Variants in CBR4 observed in about 807,000 individuals in gnomAD.
CBR4 encodes the protein carbonyl reductase 4.
In CBR4, 22 loss-of-function variants were observed where a neutral mutation model predicts 21.0. The observed-to-expected ratio is 1.05, with a 90% CI of 0.75 to 1.50. The LOEUF (loss-of-function observed/expected upper bound fraction) is 1.50, where lower values mean the gene tolerates loss of function less well. CBR4 is among the 40% of genes most tolerant of loss of function. CBR4 has a pLI of 0.00. For missense variants in CBR4, 302 were observed against 286.3 expected, an observed-to-expected ratio of 1.05 and a Z score of -0.40; for synonymous variants, 100 against 104.4, an observed-to-expected ratio of 0.96 and a Z score of 0.26.
chr4:168,978,525 C>A lies in CBR4; in HGVS notation n.169+23546G>T, dbSNP rs757589016. Among the ~76,000 whole-genome samples, 12 of 152,308 alleles carry A rather than the reference C, an allele frequency of 7.9e-5. No homozygotes were observed. In the South Asian group the frequency reaches 1.7e-3, roughly 21 times the overall value. ...TTGGCACAGTGCCAAGTGAGGCTCC[C>A]CCCTGCAGGAAAATGGTGAATAAGA... On this transcript the variant is annotated intron_variant and non_coding_transcript_variant, in intron 2 of 3. Coordinates refer to the CBR4 transcript ENST00000509108.
chr4:168,924,552 C>CAA, intron 2 of CBR4: 1 of 957,100 alleles, frequency 1.0e-6, no homozygotes, highest in Non-Finnish European at 1.7e-6. Context: ...TGAAATCAAT[C>CAA]AAAGACAAAA....
At chr4:168,958,226 T>G (rs895774292) in intron 2 of CBR4, among the ~76,000 whole-genome samples, 1 of 151,420 alleles carries the variant, frequency 6.6e-6, no homozygotes. Flanking sequence ...ATCACACCAC[T>G]GTACTCCAGC....
At chr4:168,924,521 CAT>C in intron 2 of CBR4, 2 of 1,153,822 alleles carry the variant, frequency 1.7e-6, no homozygotes, top group Non-Finnish European at 2.6e-6. Flanking sequence ...GTAAAAGCCA[CAT>C]AGATGTTTTG....
At chr4:168,947,449 T>C (rs78914616) in intron 2 of CBR4, among the ~76,000 whole-genome samples, 16,104 of 152,098 alleles carry the variant, frequency 0.11, 986 homozygotes, top group South Asian at 0.15. Flanking sequence ...GAGTAAGTTC[T>C]TTAGTGGTGA....
intron 2 of CBR4, among the ~76,000 whole-genome samples, chr4:168,935,400 C>T (rs1560952161): frequency 1.3e-5 from 2 of 152,148 alleles, no homozygotes; most frequent in East Asian, 3.9e-4. Flanking sequence ...TCCTGGAACA[C>T]CAGCGAGACA....
At chr4:168,956,069 TATGTTCAGCA>T (rs1371653673) in intron 2 of CBR4, among the ~76,000 whole-genome samples, 2 of 152,332 alleles carry the variant, frequency 1.3e-5, no homozygotes, top group South Asian at 2.1e-4. Flanking sequence ...CTCTCTGAGA[TATGTTCAGCA>T]ATATAGATCA....
chr4:168,941,841 T>A (rs1763272365), intron 2 of CBR4, among the ~76,000 whole-genome samples: 1 of 152,320 alleles, frequency 6.6e-6, no homozygotes, highest in South Asian at 2.1e-4. Flanking sequence ...TTTATATAGT[T>A]AGTTGGCCAC....
chr4:168,982,332 T>C (rs1764569317), intron 2 of CBR4, among the ~76,000 whole-genome samples: 1 of 152,170 alleles, frequency 6.6e-6, no homozygotes, highest in African/African-American at 2.4e-5. Context: ...GGGCATCACA[T>C]AATGATAAAA....
intron 2 of CBR4, among the ~76,000 whole-genome samples, chr4:168,910,775 A>ACGT (rs1758776456): frequency 6.6e-6 from 1 of 152,196 alleles, no homozygotes; most frequent in Non-Finnish European, 1.5e-5. Flanking sequence ...ACAAACTTAG[A>ACGT]CTGATTCCAG....
intron 2 of CBR4, among the ~76,000 whole-genome samples, chr4:168,960,301 C>T (rs1763808892): frequency 6.6e-6 from 1 of 152,172 alleles, no homozygotes; most frequent in Non-Finnish European, 1.5e-5. Context: ...AACATTTCTC[C>T]AGTGTCTACT....
In CBR4 at chr4:168,992,565, G is replaced by A. The variant is rs112639851; in HGVS notation, c.536-2237C>T. On this transcript the variant is annotated intron_variant, in intron 4 of 4. Coordinates refer to ENST00000306193, the MANE Select transcript of CBR4 (RefSeq NM_032783.5). ...ATGCTATAGAAGGATACTTAAATCT[G>A]AAAGTAACATTTGTGTATAAAATGT... Among the ~76,000 whole-genome samples the A allele has an allele frequency of 9.6e-4, 146 of 152,146 alleles. 1 individual carries two copies. Among genetic ancestry groups the A allele is most frequent in the African/African-American group, 3.4e-3 (141 of 41,516 alleles).
chr4:168,951,309 G>A (rs761011146), intron 2 of CBR4, among the ~76,000 whole-genome samples: 11 of 152,058 alleles, frequency 7.2e-5, no homozygotes, highest in African/African-American at 1.7e-4. Context: ...CACCCGCCTC[G>A]GCCTCCCAAA....
chr4:169,009,037 G>A (rs1395445972), intron 1 of CBR4: 5 of 443,750 alleles, frequency 1.1e-5, no homozygotes, highest in Non-Finnish European at 2.2e-5. Flanking sequence ...TCCAGCACGG[G>A]CAACATAATG....
chr4:168,921,792 A>T, intron 2 of CBR4: 5 of 1,318,408 alleles, frequency 3.8e-6, no homozygotes, highest in Non-Finnish European at 4.4e-6. Context: ...CATCAGACTT[A>T]CAAATGTAAA....
At chr4:169,007,214 CA>C (rs1730980009) in intron 2 of CBR4, among the ~76,000 whole-genome samples, 1 of 152,106 alleles carries the variant, frequency 6.6e-6, no homozygotes, top group African/African-American at 2.4e-5. Context: ...CCTTGTTTAG[CA>C]AGAAAATTAA....
intron 2 of CBR4, among the ~76,000 whole-genome samples, chr4:168,932,121 TAA>T (rs755510816): frequency 1.3e-4 from 19 of 151,730 alleles, no homozygotes; most frequent in Non-Finnish European, 2.4e-4. Context: ...TGAAATGCCA[TAA>T]AAAGAATTGA....
Position 169,002,216 on chromosome 4 carries a change from A to C in CBR4, c.401-11T>G, listed in dbSNP as rs1197927831. 9.1e-5 allele frequency: 11 copies of C among 120,516 alleles called. No homozygotes were observed. Among genetic ancestry groups the C allele is most frequent in the South Asian group, 1.9e-4 (1 of 5,186 alleles). The allele number at this position is 120,516 out of a possible 1,614,324, so 7.5% of individuals were successfully genotyped here. A position where few individuals can be genotyped will look rare whatever the true frequency, so the allele number is the denominator to read the frequency against. The stretch of plus-strand genomic sequence containing the variant: ...AGCCAACAATGCTTCCTAGGACAAA[A>C]AAAAAAAAAAAAAAAAAAAAAGCGT... On this transcript the variant is annotated splice_polypyrimidine_tract_variant and intron_variant, in intron 3 of 4. Transcript: ENST00000306193.
Position 168,988,507 on chromosome 4 carries a change from G to C in CBR4, c.*1643C>G. 1.7e-5 allele frequency: 17 copies of C among 985,346 alleles called. No individual in the cohort carries two copies. The highest frequency in any genetic ancestry group is 2.0e-5 in the Non-Finnish European group (17 of 829,908). The allele number at this position is 985,346 out of a possible 1,614,324, so 61.0% of individuals were successfully genotyped here. A position where few individuals can be genotyped will look rare whatever the true frequency, so the allele number is the denominator to read the frequency against. On this transcript the variant is annotated 3_prime_UTR_variant, in exon 5 of 5. Coordinates refer to ENST00000306193, the MANE Select transcript of CBR4 (RefSeq NM_032783.5). ...AATGGGGAAGTACAGGTAGCCAAAG[G>C]CCAGCAATTGAGACAGCATTAGAGA... is the stretch of plus-strand genomic sequence containing the variant.
At chr4:168,932,037 AAAC>A (rs1328189934) in intron 2 of CBR4, among the ~76,000 whole-genome samples, 1 of 152,196 alleles carries the variant, frequency 6.6e-6, no homozygotes, top group African/African-American at 2.4e-5. Context: ...AAACATGAAA[AAAC>A]AAGAAACCAT....
Sources: gnomAD v4.1 joint callset for allele counts (sites outside exome capture counted in the v4.1 genomes callset) on GRCh38, gnomAD v4.1.1 for gene constraint, MANE v1.5 for transcripts, NCBI Gene and HGNC (gene_info 2026-07-23, HGNC 2026-07-21) for gene names.